Variants in PPM1E observed in about 807,000 individuals in gnomAD.
The protein encoded by PPM1E is protein phosphatase, Mg2+/Mn2+ dependent 1E.
PPM1E carries 20 observed loss-of-function variants against 65.9 expected under a neutral mutation model. The observed-to-expected ratio is 0.30, with a 90% CI of 0.21 to 0.44. The LOEUF is 0.44. Ranked by LOEUF, PPM1E falls within the 20% of genes least tolerant of loss-of-function variation. The pLI is 1.00. For missense variants in PPM1E, 713 were observed against 953.1 expected (o/e 0.75, Z 3.32); for synonymous variants, 352 against 374.9 (o/e 0.94, Z 0.70).
intron 1 of PPM1E, among the ~76,000 whole-genome samples, chr17:58,941,403 AT>A (rs1479739160): frequency 1.3e-5 from 2 of 152,166 alleles, no homozygotes; most frequent in Non-Finnish European, 2.9e-5. Context: ...CCTTTAAAAA[AT>A]GCTGGTCATG....
intron 1 of PPM1E, among the ~76,000 whole-genome samples, chr17:58,805,141 T>G (rs1567838506): frequency 6.6e-6 from 1 of 152,262 alleles, no homozygotes; most frequent in South Asian, 2.1e-4. Flanking sequence ...CAATAGGTTT[T>G]GGGGAACAGG....
At position 58,801,615 on chromosome 17, in the gene PPM1E, C is replaced by G. The variant is rs1318325921; in HGVS notation, c.464+45154C>G. 4.0e-5 allele frequency among the ~76,000 whole-genome samples: 6 copies of G among 150,098 alleles called. No individual in the cohort carries two copies. In the East Asian group the frequency reaches 1.2e-3, roughly 29 times the overall value. On this transcript the variant is annotated intron_variant, in intron 1 of 6. Coordinates refer to ENST00000308249, the MANE Select transcript of PPM1E (RefSeq NM_014906.5). ...TGCCACCAGGCCTGGATAATTTTTTCTATTTTTAGTAGAGACGGGGTTTCA... is the reference window on the plus strand; with the variant it reads ...TGCCACCAGGCCTGGATAATTTTTTGTATTTTTAGTAGAGACGGGGTTTCA...
intron 2 of PPM1E, among the ~76,000 whole-genome samples, chr17:58,956,653 A>G (rs1252439901): frequency 6.6e-6 from 1 of 152,104 alleles, no homozygotes; most frequent in Non-Finnish European, 1.5e-5. Flanking sequence ...ATGAGGCTCT[A>G]TTTCTTAATG....
At chr17:58,953,873 G>A (rs1052288555) in intron 1 of PPM1E, among the ~76,000 whole-genome samples, 2 of 151,076 alleles carry the variant, frequency 1.3e-5, no homozygotes, top group African/African-American at 2.4e-5. Context: ...TCAGCCTTCC[G>A]AGCAGCTGGG....
rs988099785 is a variant in PPM1E at position 58,763,415 on chromosome 17, C to T, written c.464+6954C>T. Among the ~76,000 whole-genome samples the T allele has an allele frequency of 7.2e-5, 11 of 152,104 alleles. 1 individual carries two copies. The highest frequency in any genetic ancestry group is 4.6e-4 in the Admixed American group (7 of 15,234). On this transcript the variant is annotated intron_variant, in intron 1 of 6. Transcript: ENST00000308249. ...ATTGGCTAGAATTCAAGTCATATGA[C>T]ACCACCTGGGACCTACATTTCCTAA...
chr17:58,981,061 C>T lies in PPM1E; in HGVS notation c.*30C>T, dbSNP rs773135012. On this transcript the variant is annotated 3_prime_UTR_variant, in exon 7 of 7. Coordinates refer to ENST00000308249, the MANE Select transcript of PPM1E (RefSeq NM_014906.5). Reference sequence around the variant, plus strand: ...TCTTTCAAGTAGGTTAGCTAGCTCTCCCCCAATAAAAATACCACTATCAGA... The same window carrying T: ...TCTTTCAAGTAGGTTAGCTAGCTCTTCCCCAATAAAAATACCACTATCAGA... 4.8e-6 allele frequency: 7 copies of T among 1,459,022 alleles called. No homozygotes were observed. Among genetic ancestry groups the T allele is most frequent in the Non-Finnish European group, 6.5e-6 (7 of 1,075,376 alleles). 90.4% of individuals were successfully genotyped at this position (1,459,022 alleles called of 1,614,324 possible).
At chr17:58,971,317 A>G (rs1254209322) in intron 4 of PPM1E, among the ~76,000 whole-genome samples, 4 of 152,168 alleles carry the variant, frequency 2.6e-5, no homozygotes, top group Admixed American at 2.6e-4. Flanking sequence ...TGTTTTTCTC[A>G]TTGGATACAA....
At chr17:58,783,036 C>G (rs1371619114) in intron 1 of PPM1E, among the ~76,000 whole-genome samples, 1 of 152,082 alleles carries the variant, frequency 6.6e-6, no homozygotes, top group Non-Finnish European at 1.5e-5. Flanking sequence ...CTCAATATGA[C>G]TTTGTTTTCT....
chr17:58,970,877 G>A (rs1423039544), intron 4 of PPM1E, among the ~76,000 whole-genome samples: 3 of 151,938 alleles, frequency 2.0e-5, no homozygotes, highest in East Asian at 1.9e-4. Flanking sequence ...GAGGTGACCC[G>A]TAATCATCAA....
At chr17:58,979,237 CTAAA>C (rs1464759548) in intron 6 of PPM1E, among the ~76,000 whole-genome samples, 1 of 152,104 alleles carries the variant, frequency 6.6e-6, no homozygotes, top group African/African-American at 2.4e-5. Flanking sequence ...ATGGCAGTCT[CTAAA>C]TATAAGAGAA....
intron 1 of PPM1E, among the ~76,000 whole-genome samples, chr17:58,941,132 A>C (rs1366920314): frequency 2.6e-5 from 4 of 152,236 alleles, no homozygotes; most frequent in African/African-American, 4.8e-5. Context: ...CATGACAGAA[A>C]GGTAAAGATA....
chr17:58,846,337 GTA>G (rs1388687933), intron 1 of PPM1E, among the ~76,000 whole-genome samples: 2 of 152,068 alleles, frequency 1.3e-5, no homozygotes, highest in East Asian at 3.9e-4. Context: ...TGTTACATAT[GTA>G]TATGTGTGCC....
At chr17:58,940,645 T>C (rs1458512733) in intron 1 of PPM1E, among the ~76,000 whole-genome samples, 1 of 152,216 alleles carries the variant, frequency 6.6e-6, no homozygotes, top group Non-Finnish European at 1.5e-5. Context: ...ACACAGAAGA[T>C]ATCCTTTTCT....
At chr17:58,811,945 A>G (rs2050372358) in intron 1 of PPM1E, among the ~76,000 whole-genome samples, 1 of 152,168 alleles carries the variant, frequency 6.6e-6, no homozygotes, top group South Asian at 2.1e-4. Flanking sequence ...CTGGGATTAC[A>G]GGTGTGAGAC....
At position 58,793,945 on chromosome 17, in the gene PPM1E, A is replaced by ACGATTTTC. The variant is rs533194448; in HGVS notation, c.464+37485_464+37492dup. Among the ~76,000 whole-genome samples the ACGATTTTC allele has an allele frequency of 3.2e-4, 49 of 151,406 alleles. 1 individual carries two copies. In the South Asian group the frequency reaches 0.01, roughly 32 times the overall value. On this transcript the variant is annotated intron_variant, in intron 1 of 6. Transcript: ENST00000308249. ...TGCAACCTCTGTCTCCTGGGTTCAA[A>ACGATTTTC]CGATTTTCGCATCTCAGCCTCCTGA...
rs116066336 is a variant in PPM1E, at chr17:58,821,655, T to C, written c.464+65194T>C. 3.6e-3 allele frequency among the ~76,000 whole-genome samples: 553 copies of C among 152,294 alleles called. 3 individuals are homozygous for C. Among genetic ancestry groups the C allele is most frequent in the African/African-American group, 0.012 (514 of 41,564 alleles). On this transcript the variant is annotated intron_variant, in intron 1 of 6. Coordinates refer to ENST00000308249, the MANE Select transcript of PPM1E (RefSeq NM_014906.5). ...AGAATTCCTTTGATTGAGAAGCGGA[T>C]ACTGGTTAGCAAGGACCTTGGAAAA...
Position 58,864,368 on chromosome 17 carries a change from C to T in PPM1E, c.465-91281C>T, listed in dbSNP as rs148470804. On this transcript the variant is annotated intron_variant, in intron 1 of 6. Coordinates refer to ENST00000308249, the MANE Select transcript of PPM1E (RefSeq NM_014906.5). The stretch of plus-strand genomic sequence containing the variant: ...TACTGTAGCATAATCTGGTCCGGTG[C>T]GGTGGCTCATGCCTGTAATCCCATC... Among the ~76,000 whole-genome samples the T allele has an allele frequency of 1.8e-3, 274 of 152,230 alleles. 3 individuals are homozygous for T. The highest frequency in any genetic ancestry group is 0.017 in the Middle Eastern group (5 of 294).
chr17:58,950,063 C>A (rs868539749), intron 1 of PPM1E, among the ~76,000 whole-genome samples: 5 of 152,060 alleles, frequency 3.3e-5, no homozygotes, highest in Non-Finnish European at 7.4e-5. Flanking sequence ...TTTGTCTTTA[C>A]CTTTTGACAA....
chr17:58,758,308 T>A (rs1310487746), intron 1 of PPM1E, among the ~76,000 whole-genome samples: 1 of 151,928 alleles, frequency 6.6e-6, no homozygotes, highest in Non-Finnish European at 1.5e-5. Flanking sequence ...GGGTGGCAGA[T>A]CATGAGGTCA....
Sources: gnomAD v4.1 joint callset for allele counts (sites outside exome capture counted in the v4.1 genomes callset) on GRCh38, gnomAD v4.1.1 for gene constraint, MANE v1.5 for transcripts, NCBI Gene and HGNC (gene_info 2026-07-23, HGNC 2026-07-21) for gene names.